Variants in MED15 observed in about 807,000 individuals in gnomAD.
MED15 encodes the protein mediator complex subunit 15, also known as mediator of RNA polymerase II transcription subunit 15.
A neutral mutation model predicts 118.7 loss-of-function variants in MED15; 41 were observed. That is an observed-to-expected ratio of 0.35 (90% CI 0.27 to 0.45). The LOEUF (loss-of-function observed/expected upper bound fraction) is 0.45, where lower values mean the gene tolerates loss of function less well. Among genes scored for constraint, MED15 ranks in the 20% least tolerant of loss-of-function variants. The probability of loss-of-function intolerance (pLI) is 1.00; values close to 1 mark genes in which losing one functional copy is unlikely to be tolerated. For synonymous variants in MED15, 436 were observed against 413.9 expected, an observed-to-expected ratio of 1.05 and a Z score of -0.65; for missense variants, 740 against 1,025.5, an observed-to-expected ratio of 0.72 and a Z score of 3.80.
chr22:20,580,832 A>G (rs1274768855), intron 9 of MED15, among the ~76,000 whole-genome samples: 8 of 152,220 alleles, frequency 5.3e-5, no homozygotes, highest in Non-Finnish European at 7.3e-5. Flanking sequence ...TCAACTCAGC[A>G]TTTAGCAAAT....
chr22:20,508,237 G>A, intron 1 of MED15: 1 of 1,271,238 alleles, frequency 7.9e-7, no homozygotes, highest in Non-Finnish European at 1.0e-6. Context: ...AGGATCTGAG[G>A]GTGACCCCCC....
intron 13 of MED15, chr22:20,583,906 G>A (rs1052611466): frequency 5.1e-5 from 12 of 236,270 alleles, no homozygotes; most frequent in African/African-American, 2.7e-4. Flanking sequence ...CCTCCAAACT[G>A]CATGGGCATT....
chr22:20,521,307 G>A (rs1012458841), intron 1 of MED15, among the ~76,000 whole-genome samples: 1 of 151,688 alleles, frequency 6.6e-6, no homozygotes, highest in Non-Finnish European at 1.5e-5. Context: ...ATGTTGGCCA[G>A]GCTGGTCTCG....
rs147995933 is a variant in MED15, at chr22:20,585,002, G to A, written c.1951G>A (p.Gly651Ser). The change falls in exon 15 of 18, where the codon GGC becomes AGC. Residue 651 changes from glycine (G) to serine (S), a missense_variant. This residue lies in a region of MED15 where 179 missense variants were observed against 259.0 expected (regional missense o/e 0.69). Transcript: ENST00000263205. ...CGTTCCAGCCATGACCGCCATTCAC[G>A]GCCCACCCATCACGTATGTCCAGCT... ...TFVPAMTAIH[G>S]PPITAPVVCT... 3.0e-5 allele frequency: 48 copies of A among 1,613,860 alleles called. No individual in the cohort carries two copies. The African/African-American group carries it at 3.1e-4, about 10-fold the overall frequency.
chr22:20,528,331 A>C (rs1210753578), intron 1 of MED15, among the ~76,000 whole-genome samples: 1 of 152,214 alleles, frequency 6.6e-6, no homozygotes, highest in Non-Finnish European at 1.5e-5. Context: ...CCGGTTTCAC[A>C]GAAGACAATT....
chr22:20,549,811 T>C (rs1343391535), intron 2 of MED15, among the ~76,000 whole-genome samples: 1 of 152,158 alleles, frequency 6.6e-6, no homozygotes, highest in African/African-American at 2.4e-5. Context: ...GGAGTGGTGC[T>C]GGGCACTGCA....
At chr22:20,553,014 A>C in intron 3 of MED15, 131 bp from the exon 4 acceptor site, 1 of 761,768 alleles carries the variant, frequency 1.3e-6, no homozygotes, top group Non-Finnish European at 2.2e-6. Context: ...TTCCCCCAGT[A>C]GTGGGGAGTA....
chr22:20,562,999 T>A (rs1296726726), intron 5 of MED15, among the ~76,000 whole-genome samples: 1 of 151,762 alleles, frequency 6.6e-6, no homozygotes, highest in East Asian at 1.9e-4. Context: ...TGGTACCACT[T>A]CAGTCCAGAC....
At chr22:20,544,141 C>T (rs2055429786) in intron 2 of MED15, among the ~76,000 whole-genome samples, 1 of 152,158 alleles carries the variant, frequency 6.6e-6, no homozygotes, top group Non-Finnish European at 1.5e-5. Flanking sequence ...TTCGTCATTT[C>T]CTTTAAGGCA....
chr22:20,544,656 ACT>A (rs2055452001), intron 2 of MED15, among the ~76,000 whole-genome samples: 1 of 152,062 alleles, frequency 6.6e-6, no homozygotes, highest in Admixed American at 6.6e-5. Context: ...ACAGAGTGAG[ACT>A]CTGTCTCAAA....
chr22:20,558,925 A>G (rs536449592), intron 5 of MED15, among the ~76,000 whole-genome samples: 4 of 152,348 alleles, frequency 2.6e-5, no homozygotes, highest in Admixed American at 6.5e-5. Context: ...CAGAAAAAAT[A>G]GACACATGTA....
In MED15 at chr22:20,586,875, G is replaced by GCGCCTATCCCAGTTCT; in HGVS notation, c.*171_*172insCGCCTATCCCAGTTCT. The stretch of plus-strand genomic sequence containing the variant: ...CGAAATCCCACACCTGTACAGAACT[G>GCGCCTATCCCAGTTCT]GGATAGGCGCAGTGGAGCGGGTTGC... On this transcript the variant is annotated 3_prime_UTR_variant, in exon 18 of 18. Transcript: ENST00000263205. 1 of 1,062,754 alleles carries GCGCCTATCCCAGTTCT rather than the reference G, an allele frequency of 9.4e-7. No individual in the cohort carries two copies. Among genetic ancestry groups the GCGCCTATCCCAGTTCT allele is most frequent in the Non-Finnish European group, 1.3e-6 (1 of 760,052 alleles). 65.8% of individuals were successfully genotyped at this position (1,062,754 alleles called of 1,614,324 possible). A position where few individuals can be genotyped will look rare whatever the true frequency, so the allele number is the denominator to read the frequency against.
Position 20,585,015 on chromosome 22 carries a change from C to A in MED15, c.1964C>A (p.Thr655Lys), listed in dbSNP as rs772805310. ...AMTAIHGPPI[T>K]APVVCTRKRR... ...ACCGCCATTCACGGCCCACCCATCA[C>A]GTATGTCCAGCTGGGCTGGGCTTTG... Residue 655 changes from threonine (T) to lysine (K), a missense_variant and splice_region_variant, in exon 15 of 18, where the codon ACG becomes AAG. Around this residue, in one of 7 missense-constraint regions of MED15, gnomAD observed 179 missense variants for 259.0 expected, o/e 0.69. Coordinates refer to ENST00000263205, the MANE Select transcript of MED15 (RefSeq NM_001003891.3). 1.2e-6 allele frequency: 2 copies of A among 1,614,044 alleles called. No individual in the cohort carries two copies. Among genetic ancestry groups the A allele is most frequent in the Non-Finnish European group, 8.5e-7 (1 of 1,180,016 alleles).
In MED15 at chr22:20,525,578, C is replaced by T. The variant is rs188248154; in HGVS notation, c.69-11539C>T. Among the ~76,000 whole-genome samples, 27 of 147,830 alleles carry T rather than the reference C, an allele frequency of 1.8e-4. No individual in the cohort carries two copies. In the East Asian group the frequency reaches 5.2e-3, roughly 29 times the overall value. Reference sequence around the variant, plus strand: ...TGAGACGGAGTTTCACTCTTGTTGCCCAGGCTGGAGTACAGTGGCACGATC... The same window carrying T: ...TGAGACGGAGTTTCACTCTTGTTGCTCAGGCTGGAGTACAGTGGCACGATC... On this transcript the variant is annotated intron_variant, in intron 1 of 17. Coordinates refer to ENST00000263205, the MANE Select transcript of MED15 (RefSeq NM_001003891.3).
At chr22:20,516,905 T>C (rs541107441) in intron 1 of MED15, among the ~76,000 whole-genome samples, 51 of 152,268 alleles carry the variant, frequency 3.3e-4, no homozygotes, top group African/African-American at 1.2e-3. Context: ...TTATCAACTC[T>C]TGTCTCATGT....
At chr22:20,533,795 C>T (rs143334156) in intron 1 of MED15, among the ~76,000 whole-genome samples, 204 of 152,312 alleles carry the variant, frequency 1.3e-3, no homozygotes, top group African/African-American at 4.9e-3. Context: ...GGACAGGGCC[C>T]GTCTGCCAGT....
chr22:20,507,626 C>G lies in MED15; in HGVS notation c.-53C>G. 1 of 1,605,588 alleles carries G rather than the reference C, an allele frequency of 6.2e-7. No homozygotes were observed. Among genetic ancestry groups the G allele is most frequent in the South Asian group, 1.1e-5 (1 of 90,906 alleles). On this transcript the variant is annotated 5_prime_UTR_variant, in exon 1 of 18. Transcript: ENST00000263205. ...TTTGGGCCTGGCTCTGTGACTGAGG[C>G]GGCGGCGGTGGCGGCCAAGCGGGAT...
chr22:20,511,785 C>T (rs2054073065), intron 1 of MED15, among the ~76,000 whole-genome samples: 1 of 152,064 alleles, frequency 6.6e-6, no homozygotes, highest in Non-Finnish European at 1.5e-5. Context: ...ATCCTTCTTC[C>T]CCCAACAGCA....
chr22:20,579,860 A>T (rs977125753), intron 9 of MED15, among the ~76,000 whole-genome samples: 1 of 152,052 alleles, frequency 6.6e-6, no homozygotes, highest in African/African-American at 2.4e-5. Flanking sequence ...GTGCACTCAG[A>T]AACTCCTTCC....
Sources: gnomAD v4.1 joint callset for allele counts (sites outside exome capture counted in the v4.1 genomes callset) on GRCh38, gnomAD v4.1.1 for gene constraint, gnomAD v4.1.1 regional missense constraint, MANE v1.5 for transcripts, NCBI Gene and HGNC (gene_info 2026-07-23, HGNC 2026-07-21) for gene names.